The following DPP10 variants were observed in gnomAD, a reference collection of about 807,000 sequenced individuals.
The protein encoded by DPP10 is dipeptidyl peptidase like 10.
Under a neutral mutation model 120.9 loss-of-function variants are expected in DPP10, and 33 were observed. The ratio of observed to expected loss-of-function variants is 0.27; its 90% confidence interval spans 0.21 to 0.37. The LOEUF is 0.37. DPP10 is among the 10% of genes least tolerant of loss of function. The pLI, the probability that DPP10 is intolerant of heterozygous loss-of-function variation, is 1.00. For synonymous variants in DPP10, 337 were observed against 326.1 expected, an observed-to-expected ratio of 1.03 and a Z score of -0.36; for missense variants, 816 against 942.8, an observed-to-expected ratio of 0.87 and a Z score of 1.76.
At chr2:114,837,354 C>T (rs796853005) in intron 1 of DPP10, among the ~76,000 whole-genome samples, 34 of 152,244 alleles carry the variant, frequency 2.2e-4, no homozygotes, top group Middle Eastern at 3.4e-3. Flanking sequence ...CCTGACTTCC[C>T]GCAACAGCTA....
At chr2:115,210,912 C>G (rs2056468553) in intron 1 of DPP10, among the ~76,000 whole-genome samples, 1 of 151,590 alleles carries the variant, frequency 6.6e-6, no homozygotes. Context: ...TTAAAAAAAA[C>G]TTAATTAGAG....
chr2:115,645,222 A>G (rs907573593), intron 5 of DPP10, among the ~76,000 whole-genome samples: 1 of 152,206 alleles, frequency 6.6e-6, no homozygotes, highest in Non-Finnish European at 1.5e-5. Flanking sequence ...GGCCAAGCCC[A>G]AGTCCCAAAT....
At chr2:114,658,413 AG>A (rs1201696154) in intron 1 of DPP10, among the ~76,000 whole-genome samples, 3 of 152,172 alleles carry the variant, frequency 2.0e-5, no homozygotes, top group Non-Finnish European at 4.4e-5. Context: ...AAGTTTCAAA[AG>A]TAAGTGTGTT....
chr2:114,507,121 C>A (rs969934072), intron 1 of DPP10, among the ~76,000 whole-genome samples: 1 of 149,040 alleles, frequency 6.7e-6, no homozygotes, highest in Non-Finnish European at 1.5e-5. Context: ...GATCTTGGCT[C>A]ACTGCAGCCT....
At chr2:115,044,859 T>C (rs1463197865) in intron 1 of DPP10, among the ~76,000 whole-genome samples, 1 of 152,178 alleles carries the variant, frequency 6.6e-6, no homozygotes, top group Non-Finnish European at 1.5e-5. Flanking sequence ...CACAAATAAG[T>C]GACAGCATGC....
chr2:115,050,787 C>T (rs1000681960), intron 1 of DPP10, among the ~76,000 whole-genome samples: 12 of 152,162 alleles, frequency 7.9e-5, no homozygotes, highest in Non-Finnish European at 1.6e-4. Flanking sequence ...GGATGGTACA[C>T]GGCCTCACTA....
chr2:115,288,444 G>A (rs1339751858), intron 1 of DPP10, among the ~76,000 whole-genome samples: 3 of 152,034 alleles, frequency 2.0e-5, no homozygotes, highest in Admixed American at 6.6e-5. Context: ...CTGGTCAGGC[G>A]TGGTGGCTCA....
At chr2:114,779,981 A>G (rs1682155050) in intron 1 of DPP10, among the ~76,000 whole-genome samples, 1 of 151,978 alleles carries the variant, frequency 6.6e-6, no homozygotes, top group South Asian at 2.1e-4. Flanking sequence ...CTAAAAATAC[A>G]AAAAATAAGC....
At chr2:114,617,812 G>C (rs1203071587) in intron 1 of DPP10, among the ~76,000 whole-genome samples, 1 of 151,958 alleles carries the variant, frequency 6.6e-6, no homozygotes, top group Non-Finnish European at 1.5e-5. Flanking sequence ...ACTATTTATT[G>C]CCCTCCTTTG....
At chr2:114,657,557 C>A (rs1007310779) in intron 1 of DPP10, among the ~76,000 whole-genome samples, 1 of 151,972 alleles carries the variant, frequency 6.6e-6, no homozygotes, top group Non-Finnish European at 1.5e-5. Flanking sequence ...TAATTTAGTT[C>A]TTTATACATA....
At chr2:115,114,166 A>G (rs2049377875) in intron 1 of DPP10, among the ~76,000 whole-genome samples, 1 of 152,200 alleles carries the variant, frequency 6.6e-6, no homozygotes, top group Admixed American at 6.6e-5. Context: ...CTCAAAGAAC[A>G]GTATATAACA....
chr2:114,738,052 A>G (rs920590412), intron 1 of DPP10, among the ~76,000 whole-genome samples: 6 of 152,186 alleles, frequency 3.9e-5, no homozygotes, highest in Non-Finnish European at 7.3e-5. Context: ...TAGTCTTCAC[A>G]TGGCCAGAGC....
intron 7 of DPP10, among the ~76,000 whole-genome samples, chr2:115,717,868 G>A (rs969246110): frequency 6.6e-6 from 1 of 152,084 alleles, no homozygotes; most frequent in Non-Finnish European, 1.5e-5. Flanking sequence ...GGTCCTGGGT[G>A]GGGGCATGAC....
chr2:115,719,834 G>A (rs911559710), intron 7 of DPP10, among the ~76,000 whole-genome samples: 1 of 152,084 alleles, frequency 6.6e-6, no homozygotes, highest in African/African-American at 2.4e-5. Flanking sequence ...ACACTTCCAT[G>A]TGCATGGTGC....
intron 21 of DPP10, among the ~76,000 whole-genome samples, chr2:115,816,894 T>C (rs909743101): frequency 1.4e-5 from 2 of 147,398 alleles, no homozygotes; most frequent in African/African-American, 2.5e-5. Context: ...GGATTACAGG[T>C]GTGAGCCACC....
Position 115,525,915 on chromosome 2 carries a change from A to G in DPP10, c.384A>G (p.Ser128=). 6.2e-7 allele frequency: 1 copy of G among 1,609,564 alleles called. No individual in the cohort carries two copies. The highest frequency in any genetic ancestry group is 1.1e-5 in the South Asian group (1 of 90,430). ...ENTTFVTFKA[S]RHSVSPDLKY... ...TTTTCTAGGTAACCTTCAAAGCATCAAGACATTCAGTTTCACCAGATTTAA... is the reference window on the plus strand; with the variant it reads ...TTTTCTAGGTAACCTTCAAAGCATCGAGACATTCAGTTTCACCAGATTTAA... Residue 128 remains serine, a synonymous_variant, in exon 5 of 26, where the codon TCA becomes TCG. Coordinates refer to ENST00000410059, the MANE Select transcript of DPP10 (RefSeq NM_020868.6).
At chr2:115,220,968 G>A (rs186393926) in intron 1 of DPP10, among the ~76,000 whole-genome samples, 53 of 150,432 alleles carry the variant, frequency 3.5e-4, no homozygotes, top group African/African-American at 1.1e-3. Flanking sequence ...AATCAGTGGC[G>A]AAGCCAAAAT....
chr2:115,425,610 G>T (rs1042140190), intron 3 of DPP10, among the ~76,000 whole-genome samples: 1 of 152,028 alleles, frequency 6.6e-6, no homozygotes, highest in Non-Finnish European at 1.5e-5. Flanking sequence ...CCTAAATGAA[G>T]CACATGTAGT....
intron 3 of DPP10, among the ~76,000 whole-genome samples, chr2:115,474,612 C>T (rs980059115): frequency 2.0e-5 from 3 of 151,838 alleles, no homozygotes; most frequent in Non-Finnish European, 4.4e-5. Flanking sequence ...GGCCAGGCTG[C>T]TTCTAAAAGC....
Sources: gnomAD v4.1 joint callset for allele counts (sites outside exome capture counted in the v4.1 genomes callset) on GRCh38, gnomAD v4.1.1 for gene constraint, MANE v1.5 for transcripts, NCBI Gene and HGNC (gene_info 2026-07-23, HGNC 2026-07-21) for gene names.